The following MAGI2 variants were observed in gnomAD, a reference collection of about 807,000 sequenced individuals.
MAGI2 encodes membrane-associated guanylate kinase, WW and PDZ domain-containing protein 2.
MAGI2 carries 35 observed loss-of-function variants against 133.3 expected under a neutral mutation model. The observed-to-expected ratio is 0.26, with a 90% CI of 0.20 to 0.35. The LOEUF (loss-of-function observed/expected upper bound fraction) is 0.35. MAGI2 is among the 10% of genes least tolerant of loss of function. MAGI2 has a pLI of 1.00. For synonymous variants in MAGI2, 729 were observed against 710.6 expected (o/e 1.03, Z -0.41); for missense variants, 1,636 against 1,863.4 (o/e 0.88, Z 2.25).
intron 16 of MAGI2, among the ~76,000 whole-genome samples, chr7:78,153,454 A>G (rs957702688): frequency 6.6e-6 from 1 of 152,196 alleles, no homozygotes; most frequent in Non-Finnish European, 1.5e-5. Flanking sequence ...TCAGCTTGTT[A>G]TACAAATGCC....
intron 3 of MAGI2, among the ~76,000 whole-genome samples, chr7:78,528,167 G>C (rs1797146169): frequency 6.6e-6 from 1 of 152,188 alleles, no homozygotes; most frequent in Admixed American, 6.5e-5. Context: ...ACTTTAAATG[G>C]TTGAGAATCA....
chr7:78,536,175 G>C (rs544447685), intron 3 of MAGI2, among the ~76,000 whole-genome samples: 40 of 136,650 alleles, frequency 2.9e-4, no homozygotes, highest in South Asian at 2.8e-3. Context: ...TGCAGTGGCG[G>C]GATCTCGGCT....
chr7:79,142,362 A>G (rs932841298), intron 1 of MAGI2, among the ~76,000 whole-genome samples: 1 of 152,192 alleles, frequency 6.6e-6, no homozygotes, highest in Non-Finnish European at 1.5e-5. Flanking sequence ...TTTGGTTCAC[A>G]TTAAACATAA....
intron 1 of MAGI2, among the ~76,000 whole-genome samples, chr7:79,202,099 C>A (rs1233242749): frequency 1.3e-5 from 2 of 151,766 alleles, no homozygotes; most frequent in South Asian, 2.1e-4. Context: ...ATGTTCTAGA[C>A]AAAGAGAAAT....
chr7:78,788,121 G>A (rs1826981790), intron 2 of MAGI2, among the ~76,000 whole-genome samples: 1 of 152,216 alleles, frequency 6.6e-6, no homozygotes, highest in Admixed American at 6.5e-5. Flanking sequence ...GGTTCTAGGT[G>A]ACACCAAATG....
At chr7:79,421,392 G>C (rs1331646722) in intron 1 of MAGI2, among the ~76,000 whole-genome samples, 2 of 151,638 alleles carry the variant, frequency 1.3e-5, no homozygotes, top group African/African-American at 4.8e-5. Context: ...ATTATCATTA[G>C]CCTTCCACAA....
intron 1 of MAGI2, among the ~76,000 whole-genome samples, chr7:79,364,179 G>A (rs1842544183): frequency 6.6e-6 from 1 of 151,888 alleles, no homozygotes; most frequent in South Asian, 2.1e-4. Flanking sequence ...ACAGTACAGA[G>A]GTTGCTTTTC....
chr7:79,055,867 G>A (rs1332465961), intron 1 of MAGI2, among the ~76,000 whole-genome samples: 1 of 152,100 alleles, frequency 6.6e-6, no homozygotes, highest in African/African-American at 2.4e-5. Context: ...CAGGTGTTCT[G>A]AAGTTACTGC....
intron 1 of MAGI2, among the ~76,000 whole-genome samples, chr7:79,043,840 G>A (rs1811919374): frequency 1.3e-5 from 2 of 152,056 alleles, no homozygotes; most frequent in Admixed American, 1.3e-4. Flanking sequence ...TCCCAAGATT[G>A]AAAGAGCAAG....
At chr7:78,204,982 A>G (rs1829598969) in intron 10 of MAGI2, among the ~76,000 whole-genome samples, 2 of 152,262 alleles carry the variant, frequency 1.3e-5, no homozygotes, top group Admixed American at 1.3e-4. Context: ...GTAACTCTGC[A>G]TCTAAGAGCA....
intron 1 of MAGI2, among the ~76,000 whole-genome samples, chr7:79,194,924 C>T (rs1827951128): frequency 6.6e-6 from 1 of 151,844 alleles, no homozygotes; most frequent in African/African-American, 2.4e-5. Context: ...TCAATTCATG[C>T]TATTAATAAA....
intron 1 of MAGI2, among the ~76,000 whole-genome samples, chr7:79,066,213 C>T (rs189902326): frequency 6.2e-4 from 95 of 152,162 alleles, no homozygotes; most frequent in African/African-American, 2.2e-3. Context: ...CACATCCTCT[C>T]CAGCATCTAT....
At chr7:78,188,131 T>C (rs1281822919) in intron 12 of MAGI2, among the ~76,000 whole-genome samples, 1 of 152,226 alleles carries the variant, frequency 6.6e-6, no homozygotes, top group Admixed American at 6.5e-5. Context: ...TTTATTTTGC[T>C]ATCTCTATAT....
intron 9 of MAGI2, among the ~76,000 whole-genome samples, chr7:78,272,863 T>C (rs1794720644): frequency 6.6e-6 from 1 of 152,192 alleles, no homozygotes; most frequent in African/African-American, 2.4e-5. Flanking sequence ...CTACTGAATA[T>C]AGCATACTGA....
At chr7:78,447,566 T>A (rs1788280746) in intron 6 of MAGI2, among the ~76,000 whole-genome samples, 1 of 152,058 alleles carries the variant, frequency 6.6e-6, no homozygotes, top group Non-Finnish European at 1.5e-5. Flanking sequence ...GGGGGAGGTA[T>A]GGCTGGGAAG....
At chr7:78,163,779 C>T (rs1054968086) in intron 15 of MAGI2, among the ~76,000 whole-genome samples, 5 of 151,682 alleles carry the variant, frequency 3.3e-5, no homozygotes, top group African/African-American at 7.3e-5. Context: ...TGGTGGTGGT[C>T]GCCTGTAGTC....
intron 15 of MAGI2, among the ~76,000 whole-genome samples, chr7:78,165,373 C>G (rs1184968716): frequency 6.6e-6 from 1 of 152,122 alleles, no homozygotes; most frequent in South Asian, 2.1e-4. Flanking sequence ...TTAAAAATAA[C>G]TTAATATTTG....
In MAGI2 at chr7:78,017,904, A is replaced by G. The variant is rs1807921521; in HGVS notation, c.*1411T>C. On this transcript the variant is annotated 3_prime_UTR_variant, in exon 22 of 22. Transcript: ENST00000354212. ...ACTCCTGTAAAGAGTAAGAATATGG[A>G]AAGGATGAAGCCTCATTCATTCGGG... The G allele has an allele frequency of 6.6e-6, 1 of 152,248 alleles. No homozygotes were observed. The highest frequency in any genetic ancestry group is 2.4e-5 in the African/African-American group (1 of 41,470). 9.4% of individuals were successfully genotyped at this position (152,248 alleles called of 1,614,324 possible).
chr7:78,458,013 G>C (rs1015104430), intron 6 of MAGI2, among the ~76,000 whole-genome samples: 1 of 152,058 alleles, frequency 6.6e-6, no homozygotes, highest in Admixed American at 6.6e-5. Context: ...GAATAAAAGA[G>C]TAGGCTGGGC....
Sources: allele counts gnomAD v4.1 joint callset (sites outside exome capture counted in the v4.1 genomes callset), GRCh38; gene constraint gnomAD v4.1.1; transcripts MANE v1.5; gene names NCBI Gene and HGNC (gene_info 2026-07-23, HGNC 2026-07-21).